The following SHISAL1 variants were observed in gnomAD, a reference collection of about 807,000 sequenced individuals.
SHISAL1 encodes protein shisa-like-1.
Under a neutral mutation model 22.6 loss-of-function variants are expected in SHISAL1, and 9 were observed. That is an observed-to-expected ratio of 0.40 (90% CI 0.24 to 0.70). The LOEUF (loss-of-function observed/expected upper bound fraction) is 0.70, where lower values mean the gene tolerates loss of function less well. SHISAL1 is among the 30% of genes least tolerant of loss of function. The pLI is 0.39. For synonymous variants in SHISAL1, 119 were observed against 115.4 expected (o/e 1.03, Z -0.20); for missense variants, 246 against 270.6 (o/e 0.91, Z 0.64).
chr22:44,300,727 A>T (rs1601801959), intron 2 of SHISAL1, 152 bp downstream of exon 2: 1 of 652,234 alleles, frequency 1.5e-6, no homozygotes, highest in Middle Eastern at 4.1e-4. Context: ...AGCAACCAAC[A>T]TCAGCTGCTC....
chr22:44,290,529 C>CAAAAAA (rs546640216), intron 3 of SHISAL1, among the ~76,000 whole-genome samples: 34 of 84,224 alleles, frequency 4.0e-4, no homozygotes, highest in African/African-American at 6.6e-4. Context: ...AACTCAGTCT[C>CAAAAAA]AAAAAAAAAA....
intron 4 of SHISAL1, among the ~76,000 whole-genome samples, chr22:44,265,669 G>C (rs1445827139): frequency 6.6e-6 from 1 of 152,190 alleles, no homozygotes; most frequent in Non-Finnish European, 1.5e-5. Flanking sequence ...GCACTAACTA[G>C]CTAATACAAG....
intron 4 of SHISAL1, among the ~76,000 whole-genome samples, chr22:44,275,033 C>T (rs542052637): frequency 1.3e-5 from 2 of 152,302 alleles, no homozygotes; most frequent in African/African-American, 4.8e-5. Flanking sequence ...AGCTCTGATT[C>T]GAAGACTATG....
At chr22:44,321,200 C>T in the SHISAL1 span, among the ~76,000 whole-genome samples, 1 of 152,178 alleles carries the variant, frequency 6.6e-6, no homozygotes, top group African/African-American at 2.4e-5. Flanking sequence ...AACCCAGTAA[C>T]TCTCCAGCAA....
chr22:44,284,445 A>G (rs1448258153), intron 4 of SHISAL1, among the ~76,000 whole-genome samples: 1 of 152,164 alleles, frequency 6.6e-6, no homozygotes, highest in African/African-American at 2.4e-5. Context: ...GCTCCTGCAC[A>G]TGAACCCAGG....
In SHISAL1 at chr22:44,246,863, T is replaced by A. The variant is rs2055005939; in HGVS notation, c.*2822A>T. ...ATGCCGTGGCTGTCTGCACCAGGTG[T>A]GCTGGGTCTTGGTGATCTCTGCTGA... On this transcript the variant is annotated 3_prime_UTR_variant, in exon 5 of 5. Transcript: ENST00000381176. The A allele has an allele frequency of 7.3e-5, 1 of 13,712 alleles. No homozygotes were observed. The highest frequency in any genetic ancestry group is 2.9e-4 in the African/African-American group (1 of 3,418). The allele number at this position is 13,712 out of a possible 1,614,324, so 0.8% of individuals were successfully genotyped here. A position where few individuals can be genotyped will look rare whatever the true frequency, so the allele number is the denominator to read the frequency against.
rs188822999 is a variant in SHISAL1 at position 44,293,278 on chromosome 22, A to G, written c.281+3394T>C. Among the ~76,000 whole-genome samples the G allele has an allele frequency of 3.2e-3, 492 of 152,238 alleles. 3 individuals are homozygous for G. The highest frequency in any genetic ancestry group is 5.9e-3 in the Non-Finnish European group (400 of 67,988). On this transcript the variant is annotated intron_variant, in intron 3 of 4. Coordinates refer to ENST00000381176, the MANE Select transcript of SHISAL1 (RefSeq NM_001099294.2). ...CTGTGTGGGCTCCATACTCACAGCT[A>G]TGGAGAGGGAAGGCGGCGAGAAGAT...
intron 1 of SHISAL1, among the ~76,000 whole-genome samples, chr22:44,301,485 T>C (rs1215733210): frequency 6.6e-6 from 1 of 152,228 alleles, no homozygotes; most frequent in African/African-American, 2.4e-5. Context: ...CTGGAGCCCC[T>C]GTGTTCTACT....
At chr22:44,255,710 C>T (rs1025763059) in intron 4 of SHISAL1, among the ~76,000 whole-genome samples, 17 of 152,224 alleles carry the variant, frequency 1.1e-4, no homozygotes, top group East Asian at 3.8e-4. Flanking sequence ...TTACATCACC[C>T]CTTTCCTCAA....
the SHISAL1 span, among the ~76,000 whole-genome samples, chr22:44,327,152 CA>C: frequency 8.0e-4 from 121 of 152,174 alleles, no homozygotes; most frequent in East Asian, 0.01. Flanking sequence ...CATCACAGCA[CA>C]GCACACGAGG....
chr22:44,296,850 T>A lies in SHISAL1; in HGVS notation c.103A>T (p.Thr35Ser). 6.2e-7 allele frequency: 1 copy of A among 1,612,944 alleles called. No homozygotes were observed. Residue 35 changes from threonine to serine, a missense_variant, in exon 3 of 5, where the codon ACA (threonine) becomes TCA (serine). Thr to Ser is a moderately conservative substitution (Grantham distance 58). Transcript: ENST00000381176. Reference protein sequence around the residue: ...SAHFRVCEPYTDHKGRYHFGF... With the variant: ...SAHFRVCEPYSDHKGRYHFGF... Reference sequence around the variant, plus strand: ...AAGTGGTAGCGGCCTTTGTGGTCTGTGTATGGTTCACAGACCCGGAAATGT... The same window carrying A: ...AAGTGGTAGCGGCCTTTGTGGTCTGAGTATGGTTCACAGACCCGGAAATGT...
chr22:44,270,174 T>C (rs982967863), intron 4 of SHISAL1, among the ~76,000 whole-genome samples: 1 of 152,164 alleles, frequency 6.6e-6, no homozygotes, highest in African/African-American at 2.4e-5. Context: ...GCTGGCTCCA[T>C]ATTTCCCTTA....
rs547480325 is a variant in SHISAL1, at chr22:44,244,336, C to G, written c.*5349G>C. 2.0e-5 allele frequency: 3 copies of G among 152,284 alleles called. No individual in the cohort carries two copies. Among genetic ancestry groups the G allele is most frequent in the African/African-American group, 7.2e-5 (3 of 41,578 alleles). 9.4% of individuals were successfully genotyped at this position (152,284 alleles called of 1,614,324 possible). A position where few individuals can be genotyped will look rare whatever the true frequency, so the allele number is the denominator to read the frequency against. On this transcript the variant is annotated 3_prime_UTR_variant, in exon 5 of 5. Transcript: ENST00000381176. ...TTGTACAAACCTAAGGGTCACCGTT[C>G]TCAGTGCAGTCTATGTAAACAGTAT... is the stretch of plus-strand genomic sequence containing the variant.
chr22:44,261,077 T>TTATATATGTA (rs1555925740), intron 4 of SHISAL1, among the ~76,000 whole-genome samples: 1 of 108,746 alleles, frequency 9.2e-6, no homozygotes, highest in Non-Finnish European at 1.8e-5. Context: ...CTTCATTACT[T>TTATATATGTA]TATATATATA....
chr22:44,251,200 C>T (rs780844526), intron 4 of SHISAL1, among the ~76,000 whole-genome samples: 33 of 152,188 alleles, frequency 2.2e-4, no homozygotes, highest in African/African-American at 5.8e-4. Context: ...TTTTACACAT[C>T]GCTGCATTGC....
intron 1 of SHISAL1, among the ~76,000 whole-genome samples, chr22:44,309,533 G>A (rs2055503266): frequency 6.6e-6 from 1 of 152,040 alleles, no homozygotes; most frequent in Admixed American, 6.5e-5. Context: ...GCCCTATGCT[G>A]CACCCTCAGT....
chr22:44,259,655 C>G (rs2055108807), intron 4 of SHISAL1, among the ~76,000 whole-genome samples: 1 of 151,848 alleles, frequency 6.6e-6, no homozygotes, highest in Non-Finnish European at 1.5e-5. Flanking sequence ...CCAAGGGGAG[C>G]TGAGAAGGAA....
At position 44,285,421 on chromosome 22, in the gene SHISAL1, C is replaced by T. The variant is rs375303613; in HGVS notation, c.599+7G>A. 104 of 1,613,696 alleles carry T rather than the reference C, an allele frequency of 6.4e-5. 1 individual carries two copies. In the Middle Eastern group the frequency reaches 1.3e-3, roughly 20 times the overall value. ...AATCATTCTGGGTCTCAATTGTAGC[C>T]ACTCACCAGGCAGACGAACTCTGGA... On this transcript the variant is annotated splice_region_variant and intron_variant, in intron 4 of 4. Coordinates refer to ENST00000381176, the MANE Select transcript of SHISAL1 (RefSeq NM_001099294.2).
intron 3 of SHISAL1, among the ~76,000 whole-genome samples, chr22:44,296,247 C>T (rs865807503): frequency 6.6e-6 from 1 of 151,902 alleles, no homozygotes; most frequent in Admixed American, 6.6e-5. Flanking sequence ...CAACCCTCTG[C>T]CTCCTGGGTT....
Sources: gnomAD v4.1 joint callset for allele counts (sites outside exome capture counted in the v4.1 genomes callset) on GRCh38, gnomAD v4.1.1 for gene constraint, MANE v1.5 for transcripts, NCBI Gene and HGNC (gene_info 2026-07-23, HGNC 2026-07-21) for gene names.